AGO1: variants seen among roughly 807,000 people sequenced by gnomAD.
AGO1 encodes protein argonaute-1.
Under a neutral mutation model 109.2 loss-of-function variants are expected in AGO1, and 11 were observed. The ratio of observed to expected loss-of-function variants is 0.10; its 90% CI spans 0.06 to 0.17. The LOEUF (loss-of-function observed/expected upper bound fraction) is 0.17, where lower values mean the gene tolerates loss of function less well. Among genes scored for constraint, AGO1 ranks in the 10% least tolerant of loss-of-function variants. The pLI is 1.00. For synonymous variants in AGO1, 422 were observed against 418.6 expected (o/e 1.01, Z -0.10); for missense variants, 574 against 1,140.3 (o/e 0.50, Z 7.15).
chr1:35,878,760 G>A (rs1190493656), upstream of AGO1, among the ~76,000 whole-genome samples: 2 of 152,096 alleles, frequency 1.3e-5, no homozygotes, highest in African/African-American at 4.8e-5. Context: ...CAAGAATTTT[G>A]AATTGGATAT....
intron 8 of AGO1, among the ~76,000 whole-genome samples, chr1:35,895,490 C>T (rs1432208040): frequency 2.0e-5 from 3 of 152,172 alleles, no homozygotes; most frequent in Non-Finnish European, 2.9e-5. Context: ...CAGAGACAAG[C>T]TGAATTTACT....
intron 11 of AGO1, 82 bp from the exon 12 acceptor site, chr1:35,906,853 T>A: frequency 8.1e-7 from 1 of 1,228,248 alleles, no homozygotes; most frequent in Non-Finnish European, 1.2e-6. Flanking sequence ...CTTATAGTGC[T>A]AAGCACCTAA....
upstream of AGO1, among the ~76,000 whole-genome samples, chr1:35,879,733 T>TAA (rs1453461267): frequency 4.2e-4 from 1 of 2,406 alleles, no homozygotes; most frequent in Non-Finnish European, 6.3e-4. Context: ...AGGTTCTGTC[T>TAA]CAAAAAAAAA....
At chr1:35,909,452 T>C (rs990971954) in intron 12 of AGO1, among the ~76,000 whole-genome samples, 3 of 152,252 alleles carry the variant, frequency 2.0e-5, no homozygotes, top group Non-Finnish European at 4.4e-5. Context: ...CTCTGAGTGC[T>C]CATTTCTTGT....
At chr1:35,881,419 C>A (rs1004296991), upstream of AGO1, among the ~76,000 whole-genome samples, 2 of 152,196 alleles carry the variant, frequency 1.3e-5, no homozygotes, top group African/African-American at 4.8e-5. Flanking sequence ...CTCCCCGGTT[C>A]AAGCTATTCT....
intron 14 of AGO1, 36 bp from the exon 15 acceptor site, chr1:35,915,312 G>A (rs1180441093): frequency 3.2e-6 from 5 of 1,584,914 alleles, no homozygotes; most frequent in African/African-American, 1.3e-5. Flanking sequence ...TGAAGGTGAA[G>A]GTTCTAGGAG....
At position 35,883,390 on chromosome 1, in the gene AGO1, C is replaced by T. The variant is rs1415108216; in HGVS notation, c.-32C>T. On this transcript the variant is annotated 5_prime_UTR_variant, in exon 1 of 19. Coordinates refer to ENST00000373204, the MANE Select transcript of AGO1 (RefSeq NM_012199.5). This position sits in a 1 kb window ranked among gnomAD's most constrained non-coding sequence, Gnocchi z 5.4. Reference sequence around the variant, plus strand: ...CCCTCACGCTGGACTTCACAGTCTCCGGGCCGCCTGACCTCCGCACGGGTA... The same window carrying T: ...CCCTCACGCTGGACTTCACAGTCTCTGGGCCGCCTGACCTCCGCACGGGTA... The T allele has an allele frequency of 6.3e-7, 1 of 1,581,254 alleles. No individual in the cohort carries two copies. The highest frequency in any genetic ancestry group is 8.6e-7 in the Non-Finnish European group (1 of 1,165,560).
chr1:35,922,592 T>C lies in AGO1; in HGVS notation c.*2985T>C. 1 of 153,436 alleles carries C rather than the reference T, an allele frequency of 6.5e-6. No individual in the cohort carries two copies. The highest frequency in any genetic ancestry group is 1.4e-5 in the Non-Finnish European group (1 of 69,452). 9.5% of individuals were successfully genotyped at this position (153,436 alleles called of 1,614,324 possible). A position where few individuals can be genotyped will look rare whatever the true frequency, so the allele number is the denominator to read the frequency against. On this transcript the variant is annotated 3_prime_UTR_variant, in exon 19 of 19. Coordinates refer to ENST00000373204, the MANE Select transcript of AGO1 (RefSeq NM_012199.5). ...TCTTCTATTCACTCTGCTTGCTTGCTGGCCGGCCTGCCTGCCTGCCTGCCT... is the reference window on the plus strand; with the variant it reads ...TCTTCTATTCACTCTGCTTGCTTGCCGGCCGGCCTGCCTGCCTGCCTGCCT...
intron 11 of AGO1, among the ~76,000 whole-genome samples, chr1:35,903,151 C>T (rs1399221756): frequency 2.6e-5 from 4 of 151,820 alleles, no homozygotes; most frequent in East Asian, 1.9e-4. Flanking sequence ...GGACCACAGG[C>T]GCCCGCCACC....
In AGO1 at chr1:35,927,240, C is replaced by A. The variant is rs1645947772; in HGVS notation, c.*7633C>A. 1 of 152,112 alleles carries A rather than the reference C, an allele frequency of 6.6e-6. No homozygotes were observed. The highest frequency in any genetic ancestry group is 1.5e-5 in the Non-Finnish European group (1 of 68,024). The allele number at this position is 152,112 out of a possible 1,614,324, so 9.4% of individuals were successfully genotyped here. On this transcript the variant is annotated 3_prime_UTR_variant, in exon 19 of 19. Coordinates refer to ENST00000373204, the MANE Select transcript of AGO1 (RefSeq NM_012199.5). Reference sequence around the variant, plus strand: ...TGCGAAATAGTTTATCAGTTATCTTCAATTGCATATTACAAAATTCTGATT... The same window carrying A: ...TGCGAAATAGTTTATCAGTTATCTTAAATTGCATATTACAAAATTCTGATT...
chr1:35,882,822 A>C (rs1571336723), upstream of AGO1: 1 of 985,308 alleles, frequency 1.0e-6, no homozygotes, highest in East Asian at 1.1e-4. The surrounding 1 kb of genome is among the most constrained non-coding windows in gnomAD (Gnocchi z 5.1). Context: ...GGTGATTGGG[A>C]GGAGAGGTGG....
chr1:35,870,440 C>A (rs1644939983), intron 1 of AGO1, among the ~76,000 whole-genome samples: 2 of 152,000 alleles, frequency 1.3e-5, no homozygotes, highest in South Asian at 4.1e-4. Flanking sequence ...CCCGCCACCA[C>A]GCCCGGCTAA....
At chr1:35,874,679 G>A (rs1040840058) in intron 1 of AGO1, among the ~76,000 whole-genome samples, 6 of 152,208 alleles carry the variant, frequency 3.9e-5, no homozygotes, top group Admixed American at 3.9e-4. Context: ...ACTTAGTGAG[G>A]AAGACATATA....
chr1:35,909,842 G>C (rs1645601085), intron 12 of AGO1, among the ~76,000 whole-genome samples: 1 of 152,006 alleles, frequency 6.6e-6, no homozygotes, highest in African/African-American at 2.4e-5. Context: ...TTGGACCCTT[G>C]TATGGATAAG....
intron 11 of AGO1, among the ~76,000 whole-genome samples, chr1:35,903,948 C>T (rs367799315): frequency 8.6e-5 from 13 of 150,586 alleles, no homozygotes; most frequent in African/African-American, 2.9e-4. Context: ...GGTAACAAAG[C>T]GAGACTCCAT....
At chr1:35,908,973 A>G (rs967938137) in intron 12 of AGO1, among the ~76,000 whole-genome samples, 1 of 151,992 alleles carries the variant, frequency 6.6e-6, no homozygotes, top group African/African-American at 2.4e-5. Context: ...GCGCACTACC[A>G]TGCCTCGCTA....
chr1:35,903,099 G>A (rs1645449991), intron 11 of AGO1, among the ~76,000 whole-genome samples: 1 of 148,646 alleles, frequency 6.7e-6, no homozygotes, highest in African/African-American at 2.5e-5. Context: ...TCCACCTCCC[G>A]GGTTTCACGC....
rs1571358401 is a variant in AGO1, at chr1:35,902,269, G to A, written c.1329G>A (p.Gly443=). 6.2e-7 allele frequency: 1 copy of A among 1,614,174 alleles called. No individual in the cohort carries two copies. Among genetic ancestry groups the A allele is most frequent in the African/African-American group, 1.3e-5 (1 of 75,040 alleles). Residue 443 remains glycine, a synonymous_variant, in exon 11 of 19, where the codon GGG becomes GGA. Coordinates refer to ENST00000373204, the MANE Select transcript of AGO1 (RefSeq NM_012199.5). ...WDMRGKQFYN[G]IEIKVWAIAC... ...TGCGGGGGAAACAGTTCTACAATGG[G>A]ATTGAGATCAAAGTCTGGGCCATCG...
intron 8 of AGO1, among the ~76,000 whole-genome samples, chr1:35,899,537 A>T (rs1645378215): frequency 6.6e-6 from 1 of 152,238 alleles, no homozygotes; most frequent in Admixed American, 6.5e-5. Context: ...GTCTTTTGCT[A>T]GTGTTAATTC....
Sources: gnomAD v4.1 joint callset for allele counts (sites outside exome capture counted in the v4.1 genomes callset) on GRCh38, gnomAD v4.1.1 for gene constraint, Gnocchi (gnomAD v3.1) non-coding constraint, MANE v1.5 for transcripts, NCBI Gene and HGNC (gene_info 2026-07-23, HGNC 2026-07-21) for gene names.